The following SERPINI2 variants were observed in gnomAD, a reference collection of about 807,000 sequenced individuals.
SERPINI2 encodes serpin family I member 2.
Under a neutral mutation model 47.3 loss-of-function variants are expected in SERPINI2, and 48 were observed. The observed-to-expected ratio is 1.02, with a 90% CI of 0.81 to 1.29. SERPINI2 has a LOEUF of 1.29. SERPINI2 is among the 50% of genes most tolerant of loss of function. SERPINI2 has a pLI of 0.00. For missense variants in SERPINI2, 448 were observed against 456.9 expected (o/e 0.98, Z 0.18); for synonymous variants, 135 against 149.3 (o/e 0.90, Z 0.70).
chr3:167,456,370 T>C (rs193223405), intron 5 of SERPINI2, among the ~76,000 whole-genome samples: 22 of 152,072 alleles, frequency 1.4e-4, no homozygotes, highest in African/African-American at 5.1e-4. Context: ...TCTATTCTCA[T>C]ATCCAGTCTC....
chr3:167,463,934 G>A (rs1300841540), intron 5 of SERPINI2, among the ~76,000 whole-genome samples: 1 of 151,508 alleles, frequency 6.6e-6, no homozygotes, highest in African/African-American at 2.4e-5. Context: ...AAAGCCAGAG[G>A]TGACTCCTTT....
chr3:167,473,205 A>G (rs758904867), intron 1 of SERPINI2, among the ~76,000 whole-genome samples: 10 of 151,796 alleles, frequency 6.6e-5, no homozygotes, highest in Non-Finnish European at 1.5e-4. Context: ...GCCTCAAAAA[A>G]CAATCCAAAG....
intron 6 of SERPINI2, among the ~76,000 whole-genome samples, chr3:167,452,490 C>CTTGA (rs1202728750): frequency 6.6e-6 from 1 of 152,194 alleles, no homozygotes; most frequent in Non-Finnish European, 1.5e-5. Flanking sequence ...GTTACAATTT[C>CTTGA]TTGATTGTGT....
intron 2 of SERPINI2, among the ~76,000 whole-genome samples, chr3:167,470,051 CTG>C (rs1338774077): frequency 6.0e-5 from 9 of 150,728 alleles, no homozygotes; most frequent in African/African-American, 2.2e-4. Flanking sequence ...GTTAAAACTT[CTG>C]TGTTTCTCTA....
At chr3:167,443,993 TG>T (rs1749398721) in intron 8 of SERPINI2, among the ~76,000 whole-genome samples, 1 of 152,124 alleles carries the variant, frequency 6.6e-6, no homozygotes, top group Non-Finnish European at 1.5e-5. Context: ...CTTCATCAGA[TG>T]GAAGCAACTT....
chr3:167,466,189 T>C (rs2108169689), intron 3 of SERPINI2, among the ~76,000 whole-genome samples: 1 of 152,254 alleles, frequency 6.6e-6, no homozygotes, highest in East Asian at 1.9e-4. Flanking sequence ...CAGTGAGTTT[T>C]TCCAAGTTAT....
Position 167,465,323 on chromosome 3 carries a change from ATAAT to A in SERPINI2, c.745_748del (p.Ile249SerfsTer10), listed in dbSNP as rs776083834. On this transcript the variant is annotated frameshift_variant, in exon 5 of 9. Transcript: ENST00000264677. LOFTEE classifies it high-confidence loss of function. ...ATCCATACCTTCTGCAGGAAGTATGATAATTAAGCTAAATTCATCACCTTTGTAA... is the reference window on the plus strand; with the variant it reads ...ATCCATACCTTCTGCAGGAAGTATGATAAGCTAAATTCATCACCTTTGTAA... 6.2e-7 allele frequency: 1 copy of A among 1,613,052 alleles called. No individual in the cohort carries two copies. The highest frequency in any genetic ancestry group is 1.1e-5 in the South Asian group (1 of 90,744).
At chr3:167,455,771 G>C (rs1749771337) in intron 5 of SERPINI2, among the ~76,000 whole-genome samples, 1 of 152,120 alleles carries the variant, frequency 6.6e-6, no homozygotes, top group South Asian at 2.1e-4. Context: ...ATGGCTGAAG[G>C]CAAAGAGGAA....
At chr3:167,451,242 T>C (rs1187079613) in intron 6 of SERPINI2, among the ~76,000 whole-genome samples, 3 of 152,238 alleles carry the variant, frequency 2.0e-5, no homozygotes, top group Non-Finnish European at 4.4e-5. Context: ...TTAAATATTT[T>C]ACTACAGGTT....
intron 5 of SERPINI2, among the ~76,000 whole-genome samples, chr3:167,461,614 CTT>C (rs11458536): frequency 1.2e-4 from 17 of 139,130 alleles, no homozygotes; most frequent in Admixed American, 1.5e-4. Context: ...GCTATAGATG[CTT>C]TTTTTTTTTT....
At chr3:167,460,551 T>C (rs1284034551) in intron 5 of SERPINI2, among the ~76,000 whole-genome samples, 1 of 152,230 alleles carries the variant, frequency 6.6e-6, no homozygotes, top group Non-Finnish European at 1.5e-5. Context: ...AAAAAGTGAA[T>C]GCATTTTACA....
At chr3:167,447,508 C>T (rs1163506993) in intron 7 of SERPINI2, among the ~76,000 whole-genome samples, 1 of 152,160 alleles carries the variant, frequency 6.6e-6, no homozygotes, top group African/African-American at 2.4e-5. Context: ...CATCTACCTT[C>T]TCTTAATGAT....
At chr3:167,471,486 C>T in intron 2 of SERPINI2, 102 bp downstream of exon 2, 1 of 1,177,350 alleles carries the variant, frequency 8.5e-7, no homozygotes, top group Admixed American at 2.5e-5. Context: ...CTTTTCATTA[C>T]ATTTTCACTT....
intron 1 of SERPINI2, among the ~76,000 whole-genome samples, chr3:167,472,077 A>G (rs1298536144): frequency 6.6e-6 from 1 of 152,108 alleles, no homozygotes; most frequent in Admixed American, 6.6e-5. Context: ...GTAGTTTTGT[A>G]GCAAAAATCA....
intron 7 of SERPINI2, among the ~76,000 whole-genome samples, chr3:167,447,856 A>G (rs1749523019): frequency 1.3e-5 from 2 of 152,264 alleles, no homozygotes; most frequent in African/African-American, 4.8e-5. Context: ...GAGCACAGCA[A>G]TGCAAGATCC....
intron 5 of SERPINI2, among the ~76,000 whole-genome samples, chr3:167,454,950 G>T (rs563817752): frequency 1.4e-4 from 22 of 152,240 alleles, no homozygotes; most frequent in Admixed American, 1.2e-3. Context: ...CAGGCTTAAG[G>T]TTAAGGTAGG....
chr3:167,471,842 T>C (rs763283136), exon 2 of SERPINI2: 1 of 1,604,520 alleles, frequency 6.2e-7, no homozygotes, highest in South Asian at 1.1e-5. Context: ...CATTTTGACT[T>C]CTCTGTATTG....
intron 6 of SERPINI2, among the ~76,000 whole-genome samples, chr3:167,452,573 T>C (rs980385651): frequency 6.6e-6 from 1 of 152,224 alleles, no homozygotes; most frequent in Admixed American, 6.5e-5. Flanking sequence ...GCAAATTGGT[T>C]TATAAGAGTT....
chr3:167,465,780 G>T, intron 3 of SERPINI2, 107 bp from the exon 4 acceptor site: 1 of 853,710 alleles, frequency 1.2e-6, no homozygotes, highest in African/African-American at 1.7e-5. Flanking sequence ...ATCAGTTTTG[G>T]ATAGGGCATG....
Sources: gnomAD v4.1 joint callset for allele counts (sites outside exome capture counted in the v4.1 genomes callset) on GRCh38, gnomAD v4.1.1 for gene constraint, MANE v1.5 for transcripts, NCBI Gene and HGNC (gene_info 2026-07-23, HGNC 2026-07-21) for gene names.